KAZN: variants seen among roughly 807,000 people sequenced by gnomAD.
KAZN encodes the protein kazrin.
A neutral mutation model predicts 87.4 loss-of-function variants in KAZN; 40 were observed. That is an observed-to-expected ratio of 0.46 (90% CI 0.36 to 0.60). The LOEUF is 0.60. Among genes scored for constraint, KAZN ranks in the 20% least tolerant of loss-of-function variants. The pLI, the probability that KAZN is intolerant of heterozygous loss-of-function variation, is 0.00. For missense variants in KAZN, 898 were observed against 1,073.9 expected (o/e 0.84, Z 2.29); for synonymous variants, 466 against 458.3 (o/e 1.02, Z -0.22).
intron 2 of KAZN, among the ~76,000 whole-genome samples, chr1:14,299,101 A>G (rs1478830958): frequency 6.6e-6 from 1 of 152,242 alleles, no homozygotes; most frequent in Non-Finnish European, 1.5e-5. Context: ...CTGTGTGCCA[A>G]GCACCATCCT....
intron 1 of KAZN, among the ~76,000 whole-genome samples, chr1:14,764,372 A>ACCCCCCCCCCCCC (rs1557465552): frequency 4.9e-5 from 4 of 81,098 alleles, no homozygotes; most frequent in Non-Finnish European, 5.5e-5. Flanking sequence ...ACCACTCCCG[A>ACCCCCCCCCCCCC]CCCCCTCCCC....
intron 2 of KAZN, among the ~76,000 whole-genome samples, chr1:14,273,911 A>G (rs576194985): frequency 6.6e-6 from 1 of 152,278 alleles, no homozygotes; most frequent in African/African-American, 2.4e-5. Context: ...TGAAAGTAAC[A>G]GATTCAAAAT....
intron 1 of KAZN, among the ~76,000 whole-genome samples, chr1:14,099,580 A>G (rs561571395): frequency 1.2e-4 from 18 of 152,282 alleles, no homozygotes; most frequent in Admixed American, 2.6e-4. Flanking sequence ...GACTCCCATC[A>G]GGAAACTGCC....
At chr1:14,325,088 A>C (rs920261538) in intron 2 of KAZN, among the ~76,000 whole-genome samples, 6 of 152,200 alleles carry the variant, frequency 3.9e-5, no homozygotes, top group Non-Finnish European at 8.8e-5. Context: ...AAGCCATCTT[A>C]ATGTGCTTTA....
intron 1 of KAZN, among the ~76,000 whole-genome samples, chr1:13,907,227 T>A (rs933710794): frequency 6.6e-6 from 1 of 152,168 alleles, no homozygotes. Context: ...GGGCACCCCC[T>A]CCAGGACTAG....
chr1:14,676,611 C>T lies in KAZN; in HGVS notation c.226+77388C>T, dbSNP rs547179096. ...TATATCCATACAACGGAGTATTATC[C>T]GGCAGTGAAAAGGAATGAAGCAGTG... is the stretch of plus-strand genomic sequence containing the variant. On this transcript the variant is annotated intron_variant, in intron 1 of 14. Coordinates refer to ENST00000376030, the MANE Select transcript of KAZN (RefSeq NM_201628.3). 4.5e-4 allele frequency among the ~76,000 whole-genome samples: 69 copies of T among 152,244 alleles called. 1 individual carries two copies. The highest frequency in any genetic ancestry group is 1.7e-3 in the East Asian group (9 of 5,188).
intron 2 of KAZN, among the ~76,000 whole-genome samples, chr1:14,264,583 C>T (rs1215668002): frequency 6.6e-6 from 1 of 152,150 alleles, no homozygotes; most frequent in Admixed American, 6.5e-5. Context: ...CCTCTCTTGC[C>T]CTTCTACCAT....
intron 2 of KAZN, among the ~76,000 whole-genome samples, chr1:14,254,622 C>T (rs961096839): frequency 1.4e-4 from 21 of 152,080 alleles, no homozygotes; most frequent in South Asian, 8.3e-4. Context: ...CATTATTTTA[C>T]GGCTAAGCAC....
chr1:14,850,937 G>A (rs1028703008), intron 1 of KAZN, among the ~76,000 whole-genome samples: 1 of 152,132 alleles, frequency 6.6e-6, no homozygotes, highest in Non-Finnish European at 1.5e-5. Flanking sequence ...GTGTGGTTCC[G>A]AGGGCCTGCT....
Position 14,856,892 on chromosome 1 carries a change from T to C in KAZN, c.227-103792T>C, listed in dbSNP as rs917477557. 6.6e-6 allele frequency among the ~76,000 whole-genome samples: 1 copy of C among 152,182 alleles called. No individual in the cohort carries two copies. The highest frequency in any genetic ancestry group is 2.4e-5 in the African/African-American group (1 of 41,452). On this transcript the variant is annotated intron_variant, in intron 1 of 14. Coordinates refer to ENST00000376030, the MANE Select transcript of KAZN (RefSeq NM_201628.3). The surrounding 1 kb of genome is among the most constrained non-coding windows in gnomAD (Gnocchi z 5.2). ...TGGGAGGTGTGTGAATTGGAGTTGCTTAATTAAGCAGAGGAAGCTAAAAGA... is the reference window on the plus strand; with the variant it reads ...TGGGAGGTGTGTGAATTGGAGTTGCCTAATTAAGCAGAGGAAGCTAAAAGA...
intron 2 of KAZN, among the ~76,000 whole-genome samples, chr1:14,396,180 A>G (rs1328380576): frequency 6.6e-6 from 1 of 151,848 alleles, no homozygotes; most frequent in Admixed American, 6.6e-5. Context: ...AAAAAAAAAA[A>G]AAAACTGCAA....
intron 2 of KAZN, among the ~76,000 whole-genome samples, chr1:14,471,996 G>C (rs1174478967): frequency 6.6e-6 from 1 of 152,128 alleles, no homozygotes; most frequent in African/African-American, 2.4e-5. Flanking sequence ...TGTCCTGGAG[G>C]CTAGGAGGTG....
chr1:14,370,091 A>C (rs934532316), intron 2 of KAZN, among the ~76,000 whole-genome samples: 5 of 152,308 alleles, frequency 3.3e-5, no homozygotes, highest in East Asian at 1.9e-4. Flanking sequence ...TTAGACAAAA[A>C]CAACCAACCC....
chr1:15,031,838 T>C (rs1671741552), intron 2 of KAZN, among the ~76,000 whole-genome samples: 1 of 152,176 alleles, frequency 6.6e-6, no homozygotes. Context: ...CTCGAGCTCC[T>C]GGACTCAAGC....
chr1:13,937,995 AT>A lies in KAZN; in HGVS notation c.91+44243del, dbSNP rs1640801095. ...AGTTTTGTTATTTTTGCTTAGGAGTATTTTGGCTATTCAGACTCTTTTTTGG... is the reference window on the plus strand; with the variant it reads ...AGTTTTGTTATTTTTGCTTAGGAGTATTTGGCTATTCAGACTCTTTTTTGG... On this transcript the variant is annotated intron_variant, in intron 1 of 16. Transcript: ENST00000636203. Among the ~76,000 whole-genome samples, 7 of 152,230 alleles carry A rather than the reference AT, an allele frequency of 4.6e-5. No individual in the cohort carries two copies. The East Asian group carries it at 1.3e-3, about 29-fold the overall frequency.
In KAZN at chr1:14,772,756, G is replaced by A. The variant is rs539098028; in HGVS notation, c.226+173533G>A. Among the ~76,000 whole-genome samples, 178 of 152,148 alleles carry A rather than the reference G, an allele frequency of 1.2e-3. 1 individual carries two copies. The highest frequency in any genetic ancestry group is 4.1e-3 in the African/African-American group (170 of 41,508). On this transcript the variant is annotated intron_variant, in intron 1 of 14. Transcript: ENST00000376030. ...GTGGGCTGGAGACCCCTTCCCCGAG[G>A]GTCCGCTATTTCTAACCATGGATTG... is the stretch of plus-strand genomic sequence containing the variant.
intron 1 of KAZN, among the ~76,000 whole-genome samples, chr1:14,871,783 G>A (rs1338340254): frequency 6.6e-6 from 1 of 152,006 alleles, no homozygotes; most frequent in Non-Finnish European, 1.5e-5. Flanking sequence ...CCAGATCTGA[G>A]TCACAGGCTC....
intron 1 of KAZN, among the ~76,000 whole-genome samples, chr1:14,733,415 T>C (rs1298438651): frequency 2.0e-5 from 3 of 152,116 alleles, no homozygotes; most frequent in East Asian, 3.9e-4. Flanking sequence ...CAATATTGAT[T>C]TGCAAATTTT....
intron 8 of KAZN, among the ~76,000 whole-genome samples, chr1:15,093,064 G>A (rs1005189725): frequency 1.3e-5 from 2 of 151,970 alleles, no homozygotes; most frequent in African/African-American, 4.8e-5. Context: ...TTACAATAGT[G>A]AAAAATTGGA....
Sources: allele counts gnomAD v4.1 joint callset (sites outside exome capture counted in the v4.1 genomes callset), GRCh38; gene constraint gnomAD v4.1.1; non-coding constraint Gnocchi (gnomAD v3.1); transcripts MANE v1.5; gene names NCBI Gene and HGNC (gene_info 2026-07-23, HGNC 2026-07-21).